AVL9: variants seen among roughly 807,000 people sequenced by gnomAD.
The protein encoded by AVL9 is late secretory pathway protein AVL9 homolog.
In AVL9, 49 loss-of-function variants were observed where a neutral mutation model predicts 79.2. That is an observed-to-expected ratio of 0.62 (90% CI 0.49 to 0.79). The LOEUF (loss-of-function observed/expected upper bound fraction) is 0.79, where lower values mean the gene tolerates loss of function less well. Ranked by LOEUF, AVL9 falls within the 30% of genes least tolerant of loss-of-function variation. AVL9 has a pLI of 0.00. For synonymous variants in AVL9, 299 were observed against 280.6 expected (o/e 1.07, Z -0.65); for missense variants, 682 against 776.8 (o/e 0.88, Z 1.45).
chr7:32,572,801 C>CAAAAAAAAA (rs3080635), intron 11 of AVL9, among the ~76,000 whole-genome samples: 22 of 93,414 alleles, frequency 2.4e-4, no homozygotes, highest in African/African-American at 7.1e-4. Context: ...GACTCCGTCT[C>CAAAAAAAAA]AAAAAAAAAA....
chr7:32,540,705 G>T (rs1314908064), intron 1 of AVL9, among the ~76,000 whole-genome samples: 1 of 151,962 alleles, frequency 6.6e-6, no homozygotes, highest in Non-Finnish European at 1.5e-5. Context: ...CGGCCAAGTT[G>T]CCCTCCAAAC....
chr7:32,570,184 G>A (rs1790766495), intron 11 of AVL9, 30 bp downstream of exon 11: 1 of 1,611,586 alleles, frequency 6.2e-7, no homozygotes, highest in Non-Finnish European at 8.5e-7. Context: ...TGTGTATTTG[G>A]CCCTGCTCAT....
intron 10 of AVL9, among the ~76,000 whole-genome samples, chr7:32,568,979 T>C (rs568597749): frequency 4.0e-4 from 61 of 152,346 alleles, no homozygotes; most frequent in African/African-American, 1.4e-3. Context: ...ATTCCAACTT[T>C]TGGAAGTCTT....
At chr7:32,557,572 A>G (rs1168343755) in intron 8 of AVL9, among the ~76,000 whole-genome samples, 1 of 152,184 alleles carries the variant, frequency 6.6e-6, no homozygotes, top group African/African-American at 2.4e-5. Context: ...CTTTTTAGCA[A>G]AAATCCTACA....
At chr7:32,503,725 C>G (rs1787286278) in intron 1 of AVL9, among the ~76,000 whole-genome samples, 2 of 151,928 alleles carry the variant, frequency 1.3e-5, no homozygotes, top group Middle Eastern at 3.4e-3. Flanking sequence ...CTCTGCCACC[C>G]AGGCTGGAGT....
chr7:32,559,221 A>C lies in AVL9; in HGVS notation c.972A>C (p.Pro324=), dbSNP rs773449335. The change falls in exon 10 of 16, where the codon CCA becomes CCC. Residue 324 remains proline (P), a synonymous_variant. Coordinates refer to ENST00000318709, the MANE Select transcript of AVL9 (RefSeq NM_015060.3). ...QYLKPPSRPS[P]DSSESDWETL... The stretch of plus-strand genomic sequence containing the variant: ...TGAAACCTCCATCTCGCCCATCTCC[A>C]GATTCTTCAGAAAGTGACTGGGAAA... 1.2e-6 allele frequency: 2 copies of C among 1,614,202 alleles called. No individual in the cohort carries two copies. The highest frequency in any genetic ancestry group is 1.7e-6 in the Non-Finnish European group (2 of 1,180,018).
At position 32,520,680 on chromosome 7, in the gene AVL9, G is replaced by A. The variant is rs565223964; in HGVS notation, c.94-22461G>A. Among the ~76,000 whole-genome samples the A allele has an allele frequency of 3.3e-5, 5 of 152,258 alleles. No homozygotes were observed. In the East Asian group the frequency reaches 9.7e-4, roughly 29 times the overall value. On this transcript the variant is annotated intron_variant, in intron 1 of 15. Coordinates refer to ENST00000318709, the MANE Select transcript of AVL9 (RefSeq NM_015060.3). ...TCCCACTGAATATGCCTATAACCCAGGTCATGGCAAATTTTGGGCTGAGAG... is the reference window on the plus strand; with the variant it reads ...TCCCACTGAATATGCCTATAACCCAAGTCATGGCAAATTTTGGGCTGAGAG...
In AVL9 at chr7:32,583,925, G is replaced by T. The variant is rs753919297; in HGVS notation, c.*18G>T. The T allele has an allele frequency of 3.2e-6, 5 of 1,575,642 alleles. No homozygotes were observed. The highest frequency in any genetic ancestry group is 4.4e-6 in the Non-Finnish European group (5 of 1,145,422). On this transcript the variant is annotated 3_prime_UTR_variant, in exon 16 of 16. Coordinates refer to ENST00000318709, the MANE Select transcript of AVL9 (RefSeq NM_015060.3). ...AGCCTTGAGCAAGGCGTCAGAGGCT[G>T]CTATTGCTTTCTGAGGTTTAAGTGT...
At chr7:32,554,826 C>T (rs747380982) in intron 8 of AVL9, among the ~76,000 whole-genome samples, 10 of 152,088 alleles carry the variant, frequency 6.6e-5, no homozygotes, top group Non-Finnish European at 1.0e-4. Context: ...ATAGAAAGGA[C>T]ATATTGGCTC....
chr7:32,566,666 C>G (rs1030322130), intron 10 of AVL9, among the ~76,000 whole-genome samples: 6 of 151,658 alleles, frequency 4.0e-5, no homozygotes, highest in South Asian at 2.1e-4. Context: ...ATCACGAGGT[C>G]AGGAGATCGA....
intron 10 of AVL9, among the ~76,000 whole-genome samples, chr7:32,567,272 T>C (rs1419009141): frequency 6.6e-6 from 1 of 152,078 alleles, no homozygotes; most frequent in Non-Finnish European, 1.5e-5. Flanking sequence ...TGGCTAATTT[T>C]TGTATTATTG....
chr7:32,536,740 A>T (rs962440402), intron 1 of AVL9: 1 of 152,212 alleles, frequency 6.6e-6, no homozygotes, highest in Admixed American at 6.6e-5. Flanking sequence ...TGACTTTGCT[A>T]CCAATTCAGG....
chr7:32,518,359 G>T (rs1422668774), intron 1 of AVL9, among the ~76,000 whole-genome samples: 6 of 152,058 alleles, frequency 3.9e-5, no homozygotes, highest in Non-Finnish European at 8.8e-5. Flanking sequence ...TTAGTTAAAT[G>T]TAATGGAATA....
Position 32,554,576 on chromosome 7 carries a change from C to A in AVL9, c.589C>A (p.Leu197Ile). 1 of 1,528,182 alleles carries A rather than the reference C, an allele frequency of 6.5e-7. No individual in the cohort carries two copies. 94.7% of individuals were successfully genotyped at this position (1,528,182 alleles called of 1,614,324 possible). Residue 197 changes from leucine (L) to isoleucine (I), a missense_variant, in exon 8 of 16, where the codon CTA becomes ATA. Physicochemically the swap from Leu to Ile is conservative, Grantham distance 5. Coordinates refer to ENST00000318709, the MANE Select transcript of AVL9 (RefSeq NM_015060.3). Reference protein sequence around the residue: ...FRHKVLILFKLILLEKKVLFY... With the variant: ...FRHKVLILFKIILLEKKVLFY... ...TTTGCAGGTCTTAATCCTATTTAAG[C>A]TAATTCTTCTTGAAAAAAAGGTACG...
In AVL9 at chr7:32,576,072, A is replaced by C. The variant is rs1057091372; in HGVS notation, c.1688A>C (p.Asn563Thr). The change falls in exon 13 of 16, where the codon AAC (asparagine) becomes ACC (threonine). Residue 563 changes from asparagine to threonine, a missense_variant and splice_region_variant. Asn to Thr is a moderately conservative substitution (Grantham distance 65). Transcript: ENST00000318709. Reference protein sequence around the residue: ...KHPALAEINPNHPFQGQYSVS... With the variant: ...KHPALAEINPTHPFQGQYSVS... Reference sequence around the variant, plus strand: ...CCAGCACTTGCAGAAATAAATCCAAAGTAAGCGCGTCCTCTGAAGATTGAT... The same window carrying C: ...CCAGCACTTGCAGAAATAAATCCAACGTAAGCGCGTCCTCTGAAGATTGAT... 3 of 1,601,414 alleles carry C rather than the reference A, an allele frequency of 1.9e-6. No homozygotes were observed. The African/African-American group carries it at 4.0e-5, about 21-fold the overall frequency.
At position 32,570,048 on chromosome 7, in the gene AVL9, T is replaced by A; in HGVS notation, c.1244T>A (p.Leu415Ter). The change falls in exon 11 of 16, where the codon TTG becomes TAG. Residue 415 changes from leucine to a stop codon, truncating the protein, a stop_gained. Transcript: ENST00000318709. LOFTEE classifies it high-confidence loss of function. ...KGYLCLPYMA[L>*]QQHHLLSDVT... ...TATCTGTGTTTGCCTTACATGGCAT[T>A]GCAGCAGCATCATCTTCTCTCCGAT... is the stretch of plus-strand genomic sequence containing the variant. 1 of 1,614,222 alleles carries A rather than the reference T, an allele frequency of 6.2e-7. No homozygotes were observed. The highest frequency in any genetic ancestry group is 8.5e-7 in the Non-Finnish European group (1 of 1,180,030).
At chr7:32,580,741 G>T in intron 14 of AVL9, 61 bp from the exon 15 acceptor site, 1 of 1,131,536 alleles carries the variant, frequency 8.8e-7, no homozygotes, top group Non-Finnish European at 1.3e-6. Context: ...GTGTCTGTGT[G>T]CGTGTGTGAG....
At position 32,551,441 on chromosome 7, in the gene AVL9, T is replaced by A. The variant is rs1276731034; in HGVS notation, c.462+18T>A. 7.1e-7 allele frequency: 1 copy of A among 1,401,854 alleles called. No individual in the cohort carries two copies. The highest frequency in any genetic ancestry group is 2.3e-5 in the East Asian group (1 of 43,756). 86.8% of individuals were successfully genotyped at this position (1,401,854 alleles called of 1,614,324 possible). A position where few individuals can be genotyped will look rare whatever the true frequency, so the allele number is the denominator to read the frequency against. On this transcript the variant is annotated intron_variant, in intron 5 of 15. Coordinates refer to ENST00000318709, the MANE Select transcript of AVL9 (RefSeq NM_015060.3). ...TTCTAAAGGTAACTTTATACCCCTC[T>A]ATAGATGTGTTTGGCTGAAGATAGA...
intron 13 of AVL9, among the ~76,000 whole-genome samples, chr7:32,578,359 T>G (rs537701799): frequency 2.6e-4 from 39 of 152,278 alleles, no homozygotes; most frequent in African/African-American, 9.4e-4. Context: ...TCTCTACAGA[T>G]GCAAATCTAC....
Sources: allele counts gnomAD v4.1 joint callset (sites outside exome capture counted in the v4.1 genomes callset), GRCh38; gene constraint gnomAD v4.1.1; transcripts MANE v1.5; gene names NCBI Gene and HGNC (gene_info 2026-07-23, HGNC 2026-07-21).